The following UBXN8 variants were observed in gnomAD, a reference collection of about 807,000 sequenced individuals.
UBXN8 encodes UBX domain-containing protein 8.
A neutral mutation model predicts 32.1 loss-of-function variants in UBXN8; 27 were observed. The observed-to-expected ratio is 0.84, with a 90% CI of 0.62 to 1.16. UBXN8 has a LOEUF of 1.16. Ranked by LOEUF, UBXN8 falls within the 50% of genes most tolerant of loss-of-function variation. The pLI, the probability that UBXN8 is intolerant of heterozygous loss-of-function variation, is 0.00. For synonymous variants in UBXN8, 109 were observed against 111.8 expected, an observed-to-expected ratio of 0.98 and a Z score of 0.16; for missense variants, 306 against 311.4, an observed-to-expected ratio of 0.98 and a Z score of 0.13.
chr8:30,763,414 C>T (rs1416748990), intron 7 of UBXN8, 67 bp downstream of exon 7: 52 of 1,464,804 alleles, frequency 3.5e-5, no homozygotes, highest in Non-Finnish European at 4.4e-5. Flanking sequence ...ATTCACATGC[C>T]GTGGGGGAAG....
chr8:30,765,556 G>A (rs1358143196), intron 7 of UBXN8, among the ~76,000 whole-genome samples: 2 of 151,648 alleles, frequency 1.3e-5, no homozygotes, highest in African/African-American at 2.4e-5. Context: ...ATGTGTGTGT[G>A]TATATATATA....
upstream of UBXN8, among the ~76,000 whole-genome samples, chr8:30,739,217 A>G (rs1805136558): frequency 6.6e-6 from 1 of 150,596 alleles, no homozygotes; most frequent in Non-Finnish European, 1.5e-5. Flanking sequence ...TAGTGTTCAG[A>G]GAAATTGACA....
intron 1 of UBXN8, among the ~76,000 whole-genome samples, chr8:30,733,593 GC>G (rs1440551059): frequency 6.6e-6 from 1 of 152,100 alleles, no homozygotes; most frequent in Non-Finnish European, 1.5e-5. Flanking sequence ...ATCAGTGACA[GC>G]CCCCCTGCTC....
chr8:30,731,210 G>C (rs1257389688), upstream of UBXN8, among the ~76,000 whole-genome samples: 3 of 152,230 alleles, frequency 2.0e-5, no homozygotes, highest in Non-Finnish European at 2.9e-5. Context: ...AGGGTTATTG[G>C]ACTGAGGGGG....
intron 1 of UBXN8, among the ~76,000 whole-genome samples, chr8:30,734,754 C>T (rs540811791): frequency 3.0e-4 from 45 of 152,186 alleles, no homozygotes; most frequent in Middle Eastern, 3.4e-3. Flanking sequence ...GACCAGCGTA[C>T]GCAACATAGT....
intron 5 of UBXN8, among the ~76,000 whole-genome samples, chr8:30,760,420 CATAT>C (rs1307823939): frequency 1.2e-5 from 1 of 85,588 alleles, no homozygotes; most frequent in African/African-American, 4.2e-5. Flanking sequence ...CATACACAAT[CATAT>C]ATATATATAT....
Position 30,760,792 on chromosome 8 carries a change from A to G in UBXN8, c.529-96A>G. 4.2e-6 allele frequency: 3 copies of G among 714,914 alleles called. No individual in the cohort carries two copies. The South Asian group carries it at 5.3e-5, about 13-fold the overall frequency. The allele number at this position is 714,914 out of a possible 1,614,324, so 44.3% of individuals were successfully genotyped here. A position where few individuals can be genotyped will look rare whatever the true frequency, so the allele number is the denominator to read the frequency against. ...GAAGAAAAGATATAAGTAAGCTTAGATGTGTGTCTAAACTCTGTATTGAGA... is the reference window on the plus strand; with the variant it reads ...GAAGAAAAGATATAAGTAAGCTTAGGTGTGTGTCTAAACTCTGTATTGAGA... On this transcript the variant is annotated intron_variant, in intron 5 of 7. Transcript: ENST00000265616.
In UBXN8 at chr8:30,763,012, G is replaced by A. The variant is rs375332508; in HGVS notation, c.571-261G>A. 63 of 445,036 alleles carry A rather than the reference G, an allele frequency of 1.4e-4. No homozygotes were observed. The East Asian group carries it at 2.6e-3, about 18-fold the overall frequency. The allele number at this position is 445,036 out of a possible 1,614,324, so 27.6% of individuals were successfully genotyped here. On this transcript the variant is annotated intron_variant, in intron 6 of 7. Transcript: ENST00000265616. The stretch of plus-strand genomic sequence containing the variant: ...AACCTCCCAAGTAGCTGGGACTAGA[G>A]GCGTGCACCCACATCTAGCTAATTT...
chr8:30,752,172 G>GA (rs1805537770), intron 2 of UBXN8, among the ~76,000 whole-genome samples: 1 of 152,240 alleles, frequency 6.6e-6, no homozygotes, highest in South Asian at 2.1e-4. Context: ...TCACAGGCAT[G>GA]AGACACCACA....
At chr8:30,764,460 A>T (rs545237285) in intron 7 of UBXN8, among the ~76,000 whole-genome samples, 1 of 152,324 alleles carries the variant, frequency 6.6e-6, no homozygotes, top group East Asian at 1.9e-4. Flanking sequence ...GTGACCCACC[A>T]CGACCAGCCC....
At chr8:30,757,668 G>T (rs1805699076) in intron 5 of UBXN8, among the ~76,000 whole-genome samples, 1 of 151,896 alleles carries the variant, frequency 6.6e-6, no homozygotes, top group Non-Finnish European at 1.5e-5. Flanking sequence ...AGACCAGCCT[G>T]GCTAAGATGG....
chr8:30,755,262 G>A (rs11990486), intron 4 of UBXN8, among the ~76,000 whole-genome samples: 34,959 of 151,896 alleles, frequency 0.23, 4,552 homozygotes, highest in African/African-American at 0.37. Flanking sequence ...GCTGGTCTTT[G>A]TTTTTAAAAG....
At chr8:30,763,648 C>T (rs1805923851) in intron 7 of UBXN8, among the ~76,000 whole-genome samples, 1 of 152,122 alleles carries the variant, frequency 6.6e-6, no homozygotes, top group Admixed American at 6.6e-5. Context: ...GCTTTTAAAT[C>T]CTTAGGAAGT....
chr8:30,755,004 G>A (rs899830709), intron 4 of UBXN8, among the ~76,000 whole-genome samples: 1 of 141,796 alleles, frequency 7.1e-6, no homozygotes, highest in African/African-American at 2.7e-5. Context: ...CCCCTAGGCT[G>A]GAGTTCAGTG....
At chr8:30,752,073 G>A (rs1805535128) in intron 2 of UBXN8, among the ~76,000 whole-genome samples, 1 of 151,738 alleles carries the variant, frequency 6.6e-6, no homozygotes, top group Non-Finnish European at 1.5e-5. Context: ...TGTATTTTTT[G>A]TAGAGACAGG....
At chr8:30,759,792 T>C (rs1399563549) in intron 5 of UBXN8, among the ~76,000 whole-genome samples, 1 of 150,220 alleles carries the variant, frequency 6.7e-6, no homozygotes, top group African/African-American at 2.4e-5. Context: ...CTATCTCTAC[T>C]AAAAAATACA....
intron 1 of UBXN8, among the ~76,000 whole-genome samples, chr8:30,737,345 T>C (rs1249807457): frequency 6.6e-6 from 1 of 152,202 alleles, no homozygotes; most frequent in African/African-American, 2.4e-5. Context: ...GCTGACTGGA[T>C]GAGGCTCACA....
At chr8:30,762,891 AC>A (rs1805893394) in intron 6 of UBXN8, among the ~76,000 whole-genome samples, 2 of 132,206 alleles carry the variant, frequency 1.5e-5, no homozygotes, top group South Asian at 5.0e-4. Context: ...TTTTTTTTAA[AC>A]AGAGTCTTGC....
At position 30,760,932 on chromosome 8, in the gene UBXN8, A is replaced by C. The variant is rs1305848165; in HGVS notation, c.570+3A>C. On this transcript the variant is annotated splice_donor_region_variant and intron_variant, in intron 6 of 7. Transcript: ENST00000265616. ...AACCTTCTCAAACAGCAGAAGAAGT[A>C]AGTCTATTTTTCTCTTCGAAAATTA... 2 of 1,525,002 alleles carry C rather than the reference A, an allele frequency of 1.3e-6. No individual in the cohort carries two copies. The highest frequency in any genetic ancestry group is 2.8e-5 in the African/African-American group (2 of 72,362). 94.5% of individuals were successfully genotyped at this position (1,525,002 alleles called of 1,614,324 possible). A position where few individuals can be genotyped will look rare whatever the true frequency, so the allele number is the denominator to read the frequency against.
Sources: allele counts gnomAD v4.1 joint callset (sites outside exome capture counted in the v4.1 genomes callset), GRCh38; gene constraint gnomAD v4.1.1; transcripts MANE v1.5; gene names NCBI Gene and HGNC (gene_info 2026-07-23, HGNC 2026-07-21).